The following GPATCH2 variants were observed in gnomAD, a reference collection of about 807,000 sequenced individuals.
The protein encoded by GPATCH2 is G-patch domain containing 2.
A neutral mutation model predicts 58.0 loss-of-function variants in GPATCH2; 51 were observed. The ratio of observed to expected loss-of-function variants is 0.88; its 90% CI spans 0.70 to 1.11. The LOEUF is 1.11. Among genes scored for constraint, GPATCH2 ranks in the 50% most tolerant of loss-of-function variants. GPATCH2 has a pLI of 0.00. For missense variants in GPATCH2, 625 were observed against 652.2 expected, an observed-to-expected ratio of 0.96 and a Z score of 0.45; for synonymous variants, 222 against 218.5, an observed-to-expected ratio of 1.02 and a Z score of -0.14.
At chr1:217,443,807 T>C (rs1358571817) in intron 9 of GPATCH2, among the ~76,000 whole-genome samples, 2 of 152,214 alleles carry the variant, frequency 1.3e-5, no homozygotes, top group African/African-American at 4.8e-5. Flanking sequence ...ATATAACCCA[T>C]TCAGTGATTT....
chr1:217,473,763 T>C (rs1660846856), intron 8 of GPATCH2, among the ~76,000 whole-genome samples: 1 of 152,146 alleles, frequency 6.6e-6, no homozygotes, highest in Non-Finnish European at 1.5e-5. Context: ...CTAGGGACTA[T>C]GATGCAAAAT....
chr1:217,503,487 G>A (rs1662402687), intron 6 of GPATCH2, among the ~76,000 whole-genome samples: 1 of 152,126 alleles, frequency 6.6e-6, no homozygotes, highest in African/African-American at 2.4e-5. Context: ...TCAATCAAAA[G>A]CATAGGTGTT....
intron 6 of GPATCH2, among the ~76,000 whole-genome samples, chr1:217,511,944 A>T (rs1662876157): frequency 6.6e-6 from 1 of 152,084 alleles, no homozygotes; most frequent in Non-Finnish European, 1.5e-5. Flanking sequence ...GGGGTCTGTA[A>T]GGGACCTCCC....
chr1:217,565,840 G>A (rs1666199933), intron 5 of GPATCH2, among the ~76,000 whole-genome samples: 1 of 152,142 alleles, frequency 6.6e-6, no homozygotes, highest in Admixed American at 6.5e-5. Context: ...AGTGGCTCAT[G>A]CCTGTAATCC....
chr1:217,574,731 A>G (rs760671143), intron 5 of GPATCH2, among the ~76,000 whole-genome samples: 1 of 152,314 alleles, frequency 6.6e-6, no homozygotes, highest in South Asian at 2.1e-4. Flanking sequence ...AGTAGAAACA[A>G]AGGTACAGAG....
intron 9 of GPATCH2, among the ~76,000 whole-genome samples, chr1:217,433,675 C>G (rs958722599): frequency 1.3e-5 from 2 of 152,102 alleles, no homozygotes; most frequent in Non-Finnish European, 2.9e-5. Flanking sequence ...GGATTACAGG[C>G]GTGAGCCACC....
chr1:217,532,615 A>T (rs1664248065), intron 5 of GPATCH2, among the ~76,000 whole-genome samples: 1 of 152,212 alleles, frequency 6.6e-6, no homozygotes, highest in South Asian at 2.1e-4. Context: ...GAAATAAATA[A>T]GGAGAAGGTG....
chr1:217,484,754 G>C (rs1661382649), intron 8 of GPATCH2, among the ~76,000 whole-genome samples: 1 of 149,818 alleles, frequency 6.7e-6, no homozygotes, highest in Non-Finnish European at 1.5e-5. Context: ...ATACATAGGA[G>C]GTATAGGTAT....
chr1:217,533,089 T>G (rs1664283732), intron 5 of GPATCH2, among the ~76,000 whole-genome samples: 2 of 150,530 alleles, frequency 1.3e-5, no homozygotes, highest in Admixed American at 6.6e-5. Flanking sequence ...TTTTTAGAGA[T>G]GGGGAGATGG....
intron 5 of GPATCH2, among the ~76,000 whole-genome samples, chr1:217,593,705 T>A (rs12046818): frequency 0.02 from 3,095 of 152,118 alleles, 103 homozygotes; most frequent in East Asian, 0.13. Flanking sequence ...TGGTAATCCA[T>A]CAAATCCAAA....
intron 9 of GPATCH2, among the ~76,000 whole-genome samples, chr1:217,446,869 G>A (rs1230277627): frequency 6.6e-6 from 1 of 152,168 alleles, no homozygotes; most frequent in Non-Finnish European, 1.5e-5. Flanking sequence ...TCGCCTTGCA[G>A]AAATAATTAT....
rs201402598 is a variant in GPATCH2 at position 217,463,641 on chromosome 1, C to CAAAAAAAAAAAAAAA, written c.1278-14319_1278-14305dup. Among the ~76,000 whole-genome samples the CAAAAAAAAAAAAAAA allele has an allele frequency of 8.5e-5, 7 of 82,454 alleles. 1 individual carries two copies. Among genetic ancestry groups the CAAAAAAAAAAAAAAA allele is most frequent in the Non-Finnish European group, 1.1e-4 (5 of 45,036 alleles). 54.1% of individuals were successfully genotyped at this position (82,454 alleles called of 152,430 possible). A position where few individuals can be genotyped will look rare whatever the true frequency, so the allele number is the denominator to read the frequency against. Reference sequence around the variant, plus strand: ...GCAACATAGCAAGAACTTATCACTCCAAAAAAAAAAAAAAAAAAAAAAAAA... The same window carrying CAAAAAAAAAAAAAAA: ...GCAACATAGCAAGAACTTATCACTCCAAAAAAAAAAAAAAAAAAAAAAAAAAAAAAAAAAAAAAAA... On this transcript the variant is annotated intron_variant, in intron 8 of 9. Transcript: ENST00000366935.
intron 8 of GPATCH2, among the ~76,000 whole-genome samples, chr1:217,455,541 G>A (rs1659903004): frequency 6.6e-6 from 1 of 152,140 alleles, no homozygotes; most frequent in Non-Finnish European, 1.5e-5. Context: ...TCTAGTCAGA[G>A]GGTTCGAGTC....
intron 9 of GPATCH2, among the ~76,000 whole-genome samples, chr1:217,445,805 C>T (rs765106843): frequency 3.9e-5 from 6 of 152,064 alleles, no homozygotes; most frequent in Non-Finnish European, 5.9e-5. Flanking sequence ...GTTAGTCTAG[C>T]GCTTTCTAAA....
chr1:217,437,746 G>A (rs569086994), intron 9 of GPATCH2, among the ~76,000 whole-genome samples: 3 of 152,312 alleles, frequency 2.0e-5, no homozygotes, highest in Admixed American at 2.0e-4. Flanking sequence ...GGGGCTTATA[G>A]ATAAAAAACC....
At chr1:217,513,971 T>C (rs755064374) in intron 6 of GPATCH2, among the ~76,000 whole-genome samples, 7 of 151,810 alleles carry the variant, frequency 4.6e-5, no homozygotes, top group Non-Finnish European at 7.4e-5. Flanking sequence ...ACTACAGGCA[T>C]GCGCCACCAC....
chr1:217,624,040 C>T (rs1003696527), intron 1 of GPATCH2, among the ~76,000 whole-genome samples: 1 of 152,010 alleles, frequency 6.6e-6, no homozygotes, highest in African/African-American at 2.4e-5. Context: ...TTGAAAAAAT[C>T]CTATAAAAAC....
rs117478542 is a variant in GPATCH2, at chr1:217,624,344, C to T, written c.57-3845G>A. On this transcript the variant is annotated intron_variant, in intron 1 of 9. Coordinates refer to ENST00000366935, the MANE Select transcript of GPATCH2 (RefSeq NM_018040.5). ...ACCAGCTTGGCCAACAAGCTGAAAC[C>T]CCGTCTCTACTAAATATACAAAAAT... Among the ~76,000 whole-genome samples, 624 of 152,300 alleles carry T rather than the reference C, an allele frequency of 4.1e-3. 18 individuals are homozygous for T. The East Asian group carries it at 0.077, about 19-fold the overall frequency.
intron 5 of GPATCH2, among the ~76,000 whole-genome samples, chr1:217,551,508 G>A (rs554577549): frequency 2.6e-5 from 4 of 152,118 alleles, no homozygotes; most frequent in South Asian, 2.1e-4. Flanking sequence ...ACCACCCACC[G>A]CTCTAGGTTA....
Sources: gnomAD v4.1 joint callset for allele counts (sites outside exome capture counted in the v4.1 genomes callset) on GRCh38, gnomAD v4.1.1 for gene constraint, MANE v1.5 for transcripts, NCBI Gene and HGNC (gene_info 2026-07-23, HGNC 2026-07-21) for gene names.